The following ROBO2 variants were observed in gnomAD, a reference collection of about 807,000 sequenced individuals.
The protein encoded by ROBO2 is roundabout guidance receptor 2.
A neutral mutation model predicts 160.8 loss-of-function variants in ROBO2; 53 were observed. That is an observed-to-expected ratio of 0.33 (90% CI 0.26 to 0.41). The LOEUF (loss-of-function observed/expected upper bound fraction) is 0.41, where lower values mean the gene tolerates loss of function less well. Ranked by LOEUF, ROBO2 falls within the 10% of genes least tolerant of loss-of-function variation. The probability of loss-of-function intolerance (pLI) is 1.00; values close to 1 mark genes in which losing one functional copy is unlikely to be tolerated. For synonymous variants in ROBO2, 664 were observed against 611.7 expected (o/e 1.09, Z -1.26); for missense variants, 1,577 against 1,722.4 (o/e 0.92, Z 1.49).
At chr3:76,213,980 T>A (rs1393845397) in intron 2 of ROBO2, among the ~76,000 whole-genome samples, 1 of 152,164 alleles carries the variant, frequency 6.6e-6, no homozygotes, top group Non-Finnish European at 1.5e-5. Flanking sequence ...CTCTACTCGG[T>A]CTGCTAATCG....
At chr3:77,428,326 A>G (rs1281360318) in intron 2 of ROBO2, among the ~76,000 whole-genome samples, 1 of 148,672 alleles carries the variant, frequency 6.7e-6, no homozygotes, top group Admixed American at 6.8e-5. Context: ...ATTCACAGCA[A>G]AACTTAGGTA....
At chr3:77,133,240 C>A (rs1262546758) in intron 2 of ROBO2, among the ~76,000 whole-genome samples, 2 of 152,002 alleles carry the variant, frequency 1.3e-5, no homozygotes, top group Non-Finnish European at 2.9e-5. Context: ...AAAAATTTTC[C>A]ATTTTTTTGT....
At chr3:76,622,880 T>C (rs1026063943) in intron 2 of ROBO2, among the ~76,000 whole-genome samples, 2 of 152,150 alleles carry the variant, frequency 1.3e-5, no homozygotes, top group Non-Finnish European at 2.9e-5. Flanking sequence ...AATCCTACCA[T>C]TGAATCCAAG....
intron 2 of ROBO2, among the ~76,000 whole-genome samples, chr3:76,437,249 A>G (rs1174859732): frequency 6.6e-6 from 1 of 152,170 alleles, no homozygotes; most frequent in African/African-American, 2.4e-5. Flanking sequence ...ATTTTATATA[A>G]AGGAATCACA....
chr3:76,806,519 A>G (rs568049309), intron 2 of ROBO2, among the ~76,000 whole-genome samples: 3 of 152,114 alleles, frequency 2.0e-5, no homozygotes, highest in African/African-American at 7.2e-5. Context: ...TTGCCAAAAA[A>G]AAACATGAAT....
intron 2 of ROBO2, among the ~76,000 whole-genome samples, chr3:77,325,910 A>C (rs2065333350): frequency 6.6e-6 from 1 of 152,326 alleles, no homozygotes; most frequent in Admixed American, 6.5e-5. Flanking sequence ...TCTGGTTCCA[A>C]GATCCGTGCT....
chr3:77,358,753 T>G (rs2069496641), intron 2 of ROBO2, among the ~76,000 whole-genome samples: 1 of 152,186 alleles, frequency 6.6e-6, no homozygotes, highest in Non-Finnish European at 1.5e-5. Context: ...TAGAAAGAGA[T>G]TTTTAAATAT....
At chr3:77,458,276 C>T (rs1280545890) in intron 2 of ROBO2, among the ~76,000 whole-genome samples, 1 of 152,182 alleles carries the variant, frequency 6.6e-6, no homozygotes, top group Non-Finnish European at 1.5e-5. Flanking sequence ...TCTGTTTGTA[C>T]TTGCAATTGC....
intron 2 of ROBO2, among the ~76,000 whole-genome samples, chr3:76,351,101 C>T (rs955500906): frequency 6.6e-6 from 1 of 151,826 alleles, no homozygotes; most frequent in Non-Finnish European, 1.5e-5. Flanking sequence ...GAATTTTCCT[C>T]AACCCTCTCA....
chr3:76,754,362 A>G (rs1281802998), intron 2 of ROBO2, among the ~76,000 whole-genome samples: 1 of 151,902 alleles, frequency 6.6e-6, no homozygotes, highest in East Asian at 1.9e-4. Context: ...TATCTGTCAA[A>G]GGTTAACTGC....
chr3:76,699,914 G>C (rs935165585), intron 2 of ROBO2, among the ~76,000 whole-genome samples: 1 of 152,034 alleles, frequency 6.6e-6, no homozygotes, highest in Non-Finnish European at 1.5e-5. Context: ...GCTGCTAAAT[G>C]AATGTCTCCT....
At chr3:76,426,125 G>A (rs945563057) in intron 2 of ROBO2, among the ~76,000 whole-genome samples, 8 of 152,276 alleles carry the variant, frequency 5.3e-5, no homozygotes, top group African/African-American at 1.9e-4. Context: ...GGATGAAGAG[G>A]AGAGGAGAAA....
intron 2 of ROBO2, among the ~76,000 whole-genome samples, chr3:77,212,586 G>T (rs1358586998): frequency 2.6e-5 from 4 of 152,072 alleles, no homozygotes; most frequent in Non-Finnish European, 4.4e-5. Flanking sequence ...CTGCCTGATT[G>T]CCCTGGCCAG....
intron 2 of ROBO2, among the ~76,000 whole-genome samples, chr3:76,986,871 G>A (rs1372062072): frequency 6.8e-6 from 1 of 147,586 alleles, no homozygotes; most frequent in Non-Finnish European, 1.5e-5. Flanking sequence ...AATATAATAA[G>A]TAAACCCCTA....
At chr3:77,102,564 A>T (rs938924818) in intron 2 of ROBO2, among the ~76,000 whole-genome samples, 3 of 151,986 alleles carry the variant, frequency 2.0e-5, no homozygotes, top group Non-Finnish European at 4.4e-5. Context: ...AAAATATGGA[A>T]TTTTTTTTAC....
chr3:76,659,023 G>GT (rs1187551263), intron 2 of ROBO2, among the ~76,000 whole-genome samples: 1 of 152,018 alleles, frequency 6.6e-6, no homozygotes, highest in East Asian at 1.9e-4. Flanking sequence ...CAAAGGATAT[G>GT]TTTTTTAAAA....
chr3:76,134,673 A>G (rs1334800463), intron 2 of ROBO2, among the ~76,000 whole-genome samples: 1 of 152,086 alleles, frequency 6.6e-6, no homozygotes, highest in Non-Finnish European at 1.5e-5. Flanking sequence ...CTTAGCGTGC[A>G]GCCTTGTGAC....
At chr3:77,258,548 G>A (rs1301668934) in intron 2 of ROBO2, among the ~76,000 whole-genome samples, 5 of 151,496 alleles carry the variant, frequency 3.3e-5, no homozygotes, top group African/African-American at 9.7e-5. Context: ...GTTTGAACCC[G>A]GGAGGTTAAG....
At chr3:77,126,101 A>G (rs1292565035) in intron 2 of ROBO2, among the ~76,000 whole-genome samples, 2 of 152,218 alleles carry the variant, frequency 1.3e-5, no homozygotes, top group African/African-American at 4.8e-5. Flanking sequence ...AAAGTTATAC[A>G]TTCTAATTGA....
Sources: allele counts gnomAD v4.1 joint callset (sites outside exome capture counted in the v4.1 genomes callset), GRCh38; gene constraint gnomAD v4.1.1; transcripts MANE v1.5; gene names NCBI Gene and HGNC (gene_info 2026-07-23, HGNC 2026-07-21).